Variants in RAB38 observed in about 807,000 individuals in gnomAD.
RAB38 encodes the protein ras-related protein Rab-38.
In RAB38, 15 loss-of-function variants were observed where a neutral mutation model predicts 18.4. The observed-to-expected ratio is 0.82, with a 90% CI of 0.55 to 1.26. RAB38 has a LOEUF of 1.26. Ranked by LOEUF, RAB38 falls within the 50% of genes most tolerant of loss-of-function variation. RAB38 has a pLI of 0.00. For missense variants in RAB38, 294 were observed against 267.4 expected, an observed-to-expected ratio of 1.10 and a Z score of -0.69; for synonymous variants, 101 against 104.4, an observed-to-expected ratio of 0.97 and a Z score of 0.20.
the RAB38 span, among the ~76,000 whole-genome samples, chr11:87,897,633 G>T: frequency 6.6e-6 from 1 of 151,440 alleles, no homozygotes; most frequent in Non-Finnish European, 1.5e-5. Flanking sequence ...CCTAAATTTT[G>T]CTTGGATTTA....
At chr11:88,023,700 T>C in the RAB38 span, among the ~76,000 whole-genome samples, 5 of 152,040 alleles carry the variant, frequency 3.3e-5, no homozygotes, top group Non-Finnish European at 7.4e-5. Context: ...AACAGACCCA[T>C]AGACCAAAGG....
the RAB38 span, among the ~76,000 whole-genome samples, chr11:88,093,643 A>G: frequency 1.3e-5 from 2 of 151,900 alleles, no homozygotes; most frequent in South Asian, 2.1e-4. Flanking sequence ...TCCACACTAC[A>G]GCCAGAAAGG....
the RAB38 span, among the ~76,000 whole-genome samples, chr11:88,069,439 G>A: frequency 3.3e-5 from 5 of 152,234 alleles, no homozygotes; most frequent in East Asian, 7.7e-4. Context: ...CAGGCACATG[G>A]CACATGACTG....
chr11:88,008,365 A>C, the RAB38 span, among the ~76,000 whole-genome samples: 1 of 152,208 alleles, frequency 6.6e-6, no homozygotes, highest in Non-Finnish European at 1.5e-5. Context: ...AACAAAAAAG[A>C]AAATGATGTG....
At chr11:88,155,610 A>C (rs1403719308) in intron 1 of RAB38, among the ~76,000 whole-genome samples, 1 of 152,258 alleles carries the variant, frequency 6.6e-6, no homozygotes, top group Non-Finnish European at 1.5e-5. Flanking sequence ...AAAAGCACAA[A>C]AATCCTGATA....
the RAB38 span, among the ~76,000 whole-genome samples, chr11:88,066,226 G>C: frequency 1.3e-5 from 2 of 152,282 alleles, no homozygotes; most frequent in African/African-American, 4.8e-5. Context: ...TTTGCTACCA[G>C]AGGACTTATT....
At chr11:87,859,344 G>A in the RAB38 span, among the ~76,000 whole-genome samples, 1 of 151,818 alleles carries the variant, frequency 6.6e-6, no homozygotes, top group South Asian at 2.1e-4. Context: ...CAAGAAAAAG[G>A]GTGGTTTGTA....
the RAB38 span, among the ~76,000 whole-genome samples, chr11:87,838,119 A>ATT: frequency 6.9e-6 from 1 of 144,704 alleles, no homozygotes; most frequent in African/African-American, 2.6e-5. Flanking sequence ...TTTTATTTTT[A>ATT]TTTTTTTTTT....
At chr11:88,054,916 G>T in the RAB38 span, among the ~76,000 whole-genome samples, 3 of 152,168 alleles carry the variant, frequency 2.0e-5, no homozygotes, top group African/African-American at 4.8e-5. Flanking sequence ...AGTCAGAGTT[G>T]TCTGGTTCTA....
At chr11:88,050,877 A>T in the RAB38 span, among the ~76,000 whole-genome samples, 2 of 152,150 alleles carry the variant, frequency 1.3e-5, no homozygotes, top group Admixed American at 6.5e-5. Flanking sequence ...TCAAAGTTCC[A>T]CCAAACTGGT....
chr11:88,025,697 C>T, the RAB38 span, among the ~76,000 whole-genome samples: 10,964 of 152,070 alleles, frequency 0.072, 645 homozygotes, highest in African/African-American at 0.14. Flanking sequence ...GTTCAGTCTT[C>T]TGCCCACTTT....
At chr11:88,122,985 T>C (rs1422781544) in intron 2 of RAB38, among the ~76,000 whole-genome samples, 2 of 152,220 alleles carry the variant, frequency 1.3e-5, no homozygotes, top group Non-Finnish European at 1.5e-5. Flanking sequence ...ACTCCTTAAC[T>C]TAAAAATGAG....
At chr11:87,805,347 T>C in the RAB38 span, among the ~76,000 whole-genome samples, 1 of 151,924 alleles carries the variant, frequency 6.6e-6, no homozygotes, top group Non-Finnish European at 1.5e-5. Flanking sequence ...CACACACATA[T>C]TATATTTTTA....
At chr11:88,083,833 G>A in the RAB38 span, among the ~76,000 whole-genome samples, 2 of 151,906 alleles carry the variant, frequency 1.3e-5, no homozygotes, top group Non-Finnish European at 2.9e-5. Context: ...TGAACACACC[G>A]ATGCTTAGAT....
chr11:87,804,572 A>AT, the RAB38 span, among the ~76,000 whole-genome samples: 76 of 147,666 alleles, frequency 5.1e-4, no homozygotes, highest in African/African-American at 7.7e-4. Flanking sequence ...TTCCACTCAG[A>AT]TTTTTTTTTT....
At chr11:87,821,695 C>T in the RAB38 span, among the ~76,000 whole-genome samples, 2 of 151,588 alleles carry the variant, frequency 1.3e-5, no homozygotes, top group African/African-American at 4.8e-5. Context: ...ACTCAAAATA[C>T]AAAAAATTAT....
chr11:87,976,731 A>G, the RAB38 span, among the ~76,000 whole-genome samples: 1 of 119,222 alleles, frequency 8.4e-6, no homozygotes, highest in Non-Finnish European at 1.6e-5. Flanking sequence ...TATATTTTAT[A>G]TAATATATAT....
intron 2 of RAB38, among the ~76,000 whole-genome samples, chr11:88,144,990 CTTT>C (rs1393756934): frequency 6.6e-6 from 1 of 152,116 alleles, no homozygotes; most frequent in Non-Finnish European, 1.5e-5. Flanking sequence ...AGAAACAGAC[CTTT>C]TCACCAGAGT....
the RAB38 span, among the ~76,000 whole-genome samples, chr11:87,974,866 A>G: frequency 6.6e-6 from 1 of 151,968 alleles, no homozygotes; most frequent in Non-Finnish European, 1.5e-5. Flanking sequence ...AAAACTCTTT[A>G]GAGCAACGAA....
Sources: allele counts gnomAD v4.1 joint callset (sites outside exome capture counted in the v4.1 genomes callset), GRCh38; gene constraint gnomAD v4.1.1; transcripts MANE v1.5; gene names NCBI Gene and HGNC (gene_info 2026-07-23, HGNC 2026-07-21).